Variants in FAM184B observed in about 807,000 individuals in gnomAD.
FAM184B encodes the protein family with sequence similarity 184 member B, also known as protein FAM184B.
FAM184B carries 111 observed loss-of-function variants against 135.9 expected under a neutral mutation model. The observed-to-expected ratio is 0.82, with a 90% CI of 0.70 to 0.96. The LOEUF is 0.96. FAM184B is among the 40% of genes least tolerant of loss of function. FAM184B has a pLI of 0.00. For missense variants in FAM184B, 1,375 were observed against 1,323.9 expected (o/e 1.04, Z -0.60); for synonymous variants, 552 against 524.8 (o/e 1.05, Z -0.71).
chr4:17,719,937 C>A (rs1232824982), intron 1 of FAM184B, among the ~76,000 whole-genome samples: 1 of 152,192 alleles, frequency 6.6e-6, no homozygotes, highest in African/African-American at 2.4e-5. Context: ...ATCACTCCCT[C>A]TTCTTGAAAT....
chr4:17,722,431 T>G (rs1234391232), intron 1 of FAM184B, among the ~76,000 whole-genome samples: 1 of 152,130 alleles, frequency 6.6e-6, no homozygotes, highest in Non-Finnish European at 1.5e-5. Context: ...TTCCAGCAAA[T>G]GAGCTTGGAA....
chr4:17,776,919 G>C (rs1321510079), intron 1 of FAM184B, among the ~76,000 whole-genome samples: 1 of 152,150 alleles, frequency 6.6e-6, no homozygotes, highest in African/African-American at 2.4e-5. Flanking sequence ...TTGTGCTGAA[G>C]TAGGCTGGAT....
chr4:17,647,870 G>A, intron 11 of FAM184B, 79 bp from the exon 12 acceptor site: 1 of 1,456,424 alleles, frequency 6.9e-7, no homozygotes, highest in South Asian at 1.3e-5. Context: ...AGTCTCTGGG[G>A]TGGGGTTGGA....
intron 1 of FAM184B, among the ~76,000 whole-genome samples, chr4:17,721,880 G>A (rs773580328): frequency 7.9e-5 from 12 of 152,252 alleles, no homozygotes; most frequent in Admixed American, 1.3e-4. Flanking sequence ...CTTGTGGTAT[G>A]TGTTCCACGC....
chr4:17,781,165 G>A lies in FAM184B; in HGVS notation c.135C>T (p.Leu45=). 2 of 1,544,888 alleles carry A rather than the reference G, an allele frequency of 1.3e-6. No individual in the cohort carries two copies. Among genetic ancestry groups the A allele is most frequent in the Non-Finnish European group, 1.7e-6 (2 of 1,143,790 alleles). The change falls in exon 1 of 18, where the codon CTC becomes CTT. Residue 45 remains leucine, a synonymous_variant. Transcript: ENST00000265018. The surrounding 1 kb of genome is among the most constrained non-coding windows in gnomAD (Gnocchi z 6.5). The stretch of plus-strand genomic sequence containing the variant: ...CCGCTGCGCCCCACCTTACCTTGGT[G>A]AGCTGGGCGATCTTCTTGCACATTT... ...HVKMCKKIAQ[L]TKVIYALNTR...
At chr4:17,666,948 TTTTTTTGTTTTTTTG>T (rs1716063290) in intron 7 of FAM184B, among the ~76,000 whole-genome samples, 1 of 146,794 alleles carries the variant, frequency 6.8e-6, no homozygotes, top group Non-Finnish European at 1.5e-5. Flanking sequence ...TTTTTTTTTG[TTTTTTTGTTTTTTTG>T]TTTTTTGTTT....
chr4:17,765,668 T>C (rs560280782), intron 1 of FAM184B, among the ~76,000 whole-genome samples: 1 of 152,224 alleles, frequency 6.6e-6, no homozygotes, highest in African/African-American at 2.4e-5. Context: ...TTATTCTGGT[T>C]GTATTTGTTC....
intron 8 of FAM184B, among the ~76,000 whole-genome samples, chr4:17,661,061 G>A (rs1416883619): frequency 6.6e-6 from 1 of 152,134 alleles, no homozygotes; most frequent in Non-Finnish European, 1.5e-5. Context: ...TGGTGCAAAA[G>A]CCAGACTACC....
chr4:17,710,054 G>A (rs375461310), intron 1 of FAM184B, among the ~76,000 whole-genome samples: 1 of 152,104 alleles, frequency 6.6e-6, no homozygotes, highest in Non-Finnish European at 1.5e-5. Context: ...GGCCAGGTGC[G>A]GTGGCTCACG....
intron 1 of FAM184B, among the ~76,000 whole-genome samples, chr4:17,716,800 G>A (rs776311334): frequency 9.9e-5 from 15 of 151,932 alleles, no homozygotes; most frequent in Non-Finnish European, 2.1e-4. Context: ...CAATACCAGA[G>A]CTTACCCTTT....
At chr4:17,728,266 A>G (rs891402118) in intron 1 of FAM184B, among the ~76,000 whole-genome samples, 1 of 152,188 alleles carries the variant, frequency 6.6e-6, no homozygotes, top group Non-Finnish European at 1.5e-5. Context: ...GCATACCTGT[A>G]GTCCCAGCTA....
At position 17,632,165 on chromosome 4, in the gene FAM184B, CCTAGGTT is replaced by C. The variant is rs1714973010; in HGVS notation, c.*360_*366del. The C allele has an allele frequency of 6.9e-6, 1 of 144,828 alleles. No homozygotes were observed. Among genetic ancestry groups the C allele is most frequent in the South Asian group, 2.2e-4 (1 of 4,544 alleles). 9.0% of individuals were successfully genotyped at this position (144,828 alleles called of 1,614,324 possible). On this transcript the variant is annotated 3_prime_UTR_variant, in exon 18 of 18. Coordinates refer to ENST00000265018, the MANE Select transcript of FAM184B (RefSeq NM_015688.2). ...ACTTGGCTCACTGCAACCTCTGCCT[CCTAGGTT>C]CAAGTGATCCTCCCGCCTCAGTCCC...
intron 1 of FAM184B, among the ~76,000 whole-genome samples, chr4:17,730,820 A>G (rs1177423654): frequency 6.6e-6 from 1 of 152,188 alleles, no homozygotes; most frequent in African/African-American, 2.4e-5. Flanking sequence ...ACAAATGGCA[A>G]AGAAGTTAAA....
chr4:17,684,838 C>T (rs1716539991), intron 7 of FAM184B, among the ~76,000 whole-genome samples: 1 of 152,124 alleles, frequency 6.6e-6, no homozygotes, highest in African/African-American at 2.4e-5. Flanking sequence ...GGTACATATA[C>T]ACCACCATGG....
In FAM184B at chr4:17,727,531, C is replaced by T. The variant is rs559853546; in HGVS notation, c.142-17887G>A. ...CAGTTCCACATGGCTGGGGAGGCCT[C>T]AGGAAACTTACAATCATGGCGGAAG... On this transcript the variant is annotated intron_variant, in intron 1 of 17. Transcript: ENST00000265018. Among the ~76,000 whole-genome samples, 18 of 152,286 alleles carry T rather than the reference C, an allele frequency of 1.2e-4. No homozygotes were observed. The South Asian group carries it at 3.5e-3, about 30-fold the overall frequency.
intron 1 of FAM184B, among the ~76,000 whole-genome samples, chr4:17,751,293 C>A (rs1377661435): frequency 9.0e-5 from 9 of 100,162 alleles, no homozygotes; most frequent in African/African-American, 2.8e-4. Flanking sequence ...GGTGACAGAG[C>A]AAGACTCTGT....
intron 1 of FAM184B, among the ~76,000 whole-genome samples, chr4:17,742,059 C>CTT (rs1230604153): frequency 6.6e-6 from 1 of 150,980 alleles, no homozygotes; most frequent in Non-Finnish European, 1.5e-5. Flanking sequence ...ATATTGGACA[C>CTT]TTAAAAATTT....
rs757332144 is a variant in FAM184B at position 17,709,327 on chromosome 4, C to T, written c.459G>A (p.Glu153=). The change falls in exon 2 of 18, where the codon GAG becomes GAA. Residue 153 remains glutamate (E), a synonymous_variant. Coordinates refer to ENST00000265018, the MANE Select transcript of FAM184B (RefSeq NM_015688.2). ...RVLTLSREML[E]LKADYERRLQ... is the part of the protein sequence containing the mutation. ...GCCTCCTCTCGTAGTCAGCCTTGAG[C>T]TCCAGCATTTCCCTGGAGAGCGTGA... 1 of 1,550,160 alleles carries T rather than the reference C, an allele frequency of 6.5e-7. No individual in the cohort carries two copies. The highest frequency in any genetic ancestry group is 1.2e-5 in the South Asian group (1 of 83,920).
intron 11 of FAM184B, among the ~76,000 whole-genome samples, chr4:17,648,897 G>A (rs889627356): frequency 1.3e-5 from 2 of 152,050 alleles, no homozygotes; most frequent in African/African-American, 2.4e-5. Context: ...GACACTTCCC[G>A]GCATGATTGA....
Sources: gnomAD v4.1 joint callset for allele counts (sites outside exome capture counted in the v4.1 genomes callset) on GRCh38, gnomAD v4.1.1 for gene constraint, Gnocchi (gnomAD v3.1) non-coding constraint, MANE v1.5 for transcripts, NCBI Gene and HGNC (gene_info 2026-07-23, HGNC 2026-07-21) for gene names.